Variants in NCKAP5L observed in about 807,000 individuals in gnomAD.
NCKAP5L encodes the protein NCK associated protein 5 like, also known as nck-associated protein 5-like.
NCKAP5L carries 54 observed loss-of-function variants against 103.2 expected under a neutral mutation model. The observed-to-expected ratio is 0.52, with a 90% CI of 0.42 to 0.66. The LOEUF is 0.66. Ranked by LOEUF, NCKAP5L falls within the 30% of genes least tolerant of loss-of-function variation. The probability of loss-of-function intolerance (pLI) is 0.00; values close to 1 mark genes in which losing one functional copy is unlikely to be tolerated. For missense variants in NCKAP5L, 1,733 were observed against 1,750.6 expected (o/e 0.99, Z 0.18); for synonymous variants, 762 against 748.6 (o/e 1.02, Z -0.29).
Position 49,795,925 on chromosome 12 carries a change from G to A in NCKAP5L, c.1935C>T (p.Pro645=). 1.3e-6 allele frequency: 2 copies of A among 1,527,510 alleles called. No homozygotes were observed. The highest frequency in any genetic ancestry group is 1.8e-4 in the Middle Eastern group (1 of 5,650). The allele number at this position is 1,527,510 out of a possible 1,614,324, so 94.6% of individuals were successfully genotyped here. Residue 645 remains proline (P), a synonymous_variant, in exon 8 of 13, where the codon CCC becomes CCT. Transcript: ENST00000335999. ...CAGGTCGCCGTCCTGACCCCTGGCT[G>A]GGCTTCTTGGATGAGTTGCCTGGGG... ...RRTPGNSSKK[P]SQGSGRRPGD... is the part of the protein sequence containing the mutation.
intron 6 of NCKAP5L, among the ~76,000 whole-genome samples, chr12:49,800,512 G>C (rs1946106910): frequency 6.6e-6 from 1 of 152,214 alleles, no homozygotes; most frequent in Admixed American, 6.5e-5. Context: ...CACAAGCTGG[G>C]AATCACATCA....
At chr12:49,815,608 G>A (rs1475163449) in intron 1 of NCKAP5L, among the ~76,000 whole-genome samples, 2 of 152,140 alleles carry the variant, frequency 1.3e-5, no homozygotes, top group Non-Finnish European at 2.9e-5. Context: ...TCATGCCTCA[G>A]CCTCCTGAGT....
At chr12:49,826,194 C>A (rs1210524098) in intron 1 of NCKAP5L, among the ~76,000 whole-genome samples, 1 of 152,126 alleles carries the variant, frequency 6.6e-6, no homozygotes, top group Non-Finnish European at 1.5e-5. Context: ...CCTTGCCCTC[C>A]TCCTATAAGA....
intron 1 of NCKAP5L, among the ~76,000 whole-genome samples, chr12:49,828,079 G>A (rs1474932162): frequency 2.6e-5 from 4 of 152,042 alleles, no homozygotes; most frequent in Non-Finnish European, 5.9e-5. Flanking sequence ...AGGATGGCGC[G>A]GGGGGCGGGA....
intron 6 of NCKAP5L, among the ~76,000 whole-genome samples, chr12:49,799,020 C>T (rs1391862629): frequency 6.6e-6 from 1 of 152,150 alleles, no homozygotes; most frequent in Non-Finnish European, 1.5e-5. Flanking sequence ...TAATTTCCTT[C>T]TCCTGGGCAT....
chr12:49,796,285 G>A lies in NCKAP5L; in HGVS notation c.1575C>T (p.Pro525=), dbSNP rs770773881. ...GTGTGGAGTCTGGGGTTGTGTAGCA[G>A]GGTGAAGGGCTGGTGGGCAGGCCTT... ...GAQGLPTSPS[P]CYTTPDSTQL... Residue 525 remains proline (P), a synonymous_variant, in exon 8 of 13, where the codon CCC becomes CCT. Transcript: ENST00000335999. The A allele has an allele frequency of 1.9e-6, 3 of 1,550,094 alleles. No homozygotes were observed. The highest frequency in any genetic ancestry group is 8.7e-7 in the Non-Finnish European group (1 of 1,147,306).
At chr12:49,820,382 T>A (rs1428724029) in intron 1 of NCKAP5L, among the ~76,000 whole-genome samples, 2 of 148,504 alleles carry the variant, frequency 1.3e-5, no homozygotes, top group African/African-American at 5.0e-5. Context: ...AGTGGCGCGA[T>A]CTCGGCTCAC....
Position 49,796,836 on chromosome 12 carries a change from A to G in NCKAP5L, c.1024T>C (p.Phe342Leu). 3 of 1,613,178 alleles carry G rather than the reference A, an allele frequency of 1.9e-6. No homozygotes were observed. Among genetic ancestry groups the G allele is most frequent in the African/African-American group, 1.3e-5 (1 of 75,048 alleles). Residue 342 changes from phenylalanine to leucine, a missense_variant, in exon 8 of 13, where the codon TTC (phenylalanine) becomes CTC (leucine). By Grantham distance (22) the Phe-to-Leu change is conservative (BLOSUM62 0). Transcript: ENST00000335999. ...AGTGGGCCTGCAGCCCCGGCCAGGAAGGCCTGTAGGTAAGACTCTGTGTCC... is the reference window on the plus strand; with the variant it reads ...AGTGGGCCTGCAGCCCCGGCCAGGAGGGCCTGTAGGTAAGACTCTGTGTCC... ...LEDTESYLQAFLAGAAGPLNG... is the reference protein window; with the variant it reads ...LEDTESYLQALLAGAAGPLNG...
At position 49,798,426 on chromosome 12, in the gene NCKAP5L, G is replaced by C; in HGVS notation, c.389C>G (p.Pro130Arg). Residue 130 changes from proline to arginine, a missense_variant, in exon 7 of 13, where the codon CCA (proline) becomes CGA (arginine). Pro to Arg is a moderately radical substitution (Grantham distance 103). Transcript: ENST00000335999. ...AGTGGAGCTCAGGGAGGGGGAGGCT[G>C]GTGGCTCTGATGGTGGCTGGAGTGG... is the stretch of plus-strand genomic sequence containing the variant. The part of the protein sequence containing the change: ...LTPLQPPSEP[P>R]ASPSLSSTEG... 1 of 1,581,786 alleles carries C rather than the reference G, an allele frequency of 6.3e-7. No individual in the cohort carries two copies. Among genetic ancestry groups the C allele is most frequent in the Non-Finnish European group, 8.6e-7 (1 of 1,163,696 alleles).
chr12:49,792,718 G>T lies in NCKAP5L; in HGVS notation c.3609C>A (p.Pro1203=). ...CATGGCCCCGGTGGCCCGGAGCAGC[G>T]GGTAGCAGTGCAGGGAAGGCTGGCA... ...PSMPAFPALL[P]AAPGHRGHET... Residue 1203 remains proline (P), a synonymous_variant, in exon 11 of 13, where the codon CCC becomes CCA. Coordinates refer to ENST00000335999, the MANE Select transcript of NCKAP5L (RefSeq NM_001037806.4). This position sits in a 1 kb window ranked among gnomAD's most constrained non-coding sequence, Gnocchi z 4.5. 6.2e-7 allele frequency: 1 copy of T among 1,611,066 alleles called. No homozygotes were observed. Among genetic ancestry groups the T allele is most frequent in the East Asian group, 2.2e-5 (1 of 44,764 alleles).
In NCKAP5L at chr12:49,792,181, A is replaced by T; in HGVS notation, c.3793-130T>A. On this transcript the variant is annotated intron_variant, in intron 12 of 12. Transcript: ENST00000335999. The surrounding 1 kb of genome is among the most constrained non-coding windows in gnomAD (Gnocchi z 4.5). ...CTCCAGAGGGGGCCCAAGGTGGGGT[A>T]TACTTCAGAGGAAACAGGCTGGAGG... 1.9e-6 allele frequency: 2 copies of T among 1,044,346 alleles called. No homozygotes were observed. The highest frequency in any genetic ancestry group is 2.8e-6 in the Non-Finnish European group (2 of 716,366). 64.7% of individuals were successfully genotyped at this position (1,044,346 alleles called of 1,614,324 possible).
rs61735505 is a variant in NCKAP5L at position 49,796,305 on chromosome 12, G to A, written c.1555C>T (p.Leu519=). 3.5e-4 allele frequency: 535 copies of A among 1,544,642 alleles called. 2 individuals are homozygous for A. In the African/African-American group the frequency reaches 6.4e-3, roughly 19 times the overall value. The change falls in exon 8 of 13, where the codon CTG becomes TTG. Residue 519 remains leucine, a synonymous_variant. Transcript: ENST00000335999. ...GELSPEGAQG[L]PTSPSPCYTT... ...TAGCAGGGTGAAGGGCTGGTGGGCA[G>A]GCCTTGCGCCCCCTCTGGGGACAGC...
chr12:49,799,412 C>T (rs1322272305), intron 6 of NCKAP5L, among the ~76,000 whole-genome samples: 2 of 151,680 alleles, frequency 1.3e-5, no homozygotes, highest in African/African-American at 4.8e-5. Flanking sequence ...TGGGCTCAAG[C>T]AATCCTCCTG....
At chr12:49,808,220 GA>G (rs1287061569) in intron 1 of NCKAP5L, among the ~76,000 whole-genome samples, 12 of 152,344 alleles carry the variant, frequency 7.9e-5, no homozygotes, top group Non-Finnish European at 1.8e-4. Context: ...GTTCCACTGA[GA>G]ATGGGGGAGA....
chr12:49,792,116 C>A lies in NCKAP5L; in HGVS notation c.3793-65G>T. On this transcript the variant is annotated intron_variant, in intron 12 of 12. Coordinates refer to ENST00000335999, the MANE Select transcript of NCKAP5L (RefSeq NM_001037806.4). This position sits in a 1 kb window ranked among gnomAD's most constrained non-coding sequence, Gnocchi z 4.5. ...ACCTTTCGGCCCAGCCTCAGAGGCA[C>A]TGAGCTCTGAGGGGCGTCTGTGCAC... 7.3e-7 allele frequency: 1 copy of A among 1,369,656 alleles called. No homozygotes were observed. Among genetic ancestry groups the A allele is most frequent in the African/African-American group, 1.4e-5 (1 of 69,368 alleles). 84.8% of individuals were successfully genotyped at this position (1,369,656 alleles called of 1,614,324 possible).
chr12:49,806,523 G>A (rs1946182472), intron 1 of NCKAP5L, among the ~76,000 whole-genome samples: 1 of 152,258 alleles, frequency 6.6e-6, no homozygotes, highest in South Asian at 2.1e-4. Context: ...GTGATGAATA[G>A]CACAGGCGCT....
Position 49,795,657 on chromosome 12 carries a change from T to G in NCKAP5L, c.2203A>C (p.Ser735Arg), listed in dbSNP as rs1946024697. Residue 735 changes from serine (S) to arginine (R), a missense_variant, in exon 8 of 13, where the codon AGC (serine) becomes CGC (arginine). Ser to Arg is a moderately radical substitution (Grantham distance 110). Transcript: ENST00000335999. ...IRGAVALGTN[S>R]LKQQEPGLMG... is the part of the protein sequence containing the mutation. Reference sequence around the variant, plus strand: ...AGTCCAGGTTCCTGCTGCTTCAGGCTGTTTGTGCCCAAGGCCACTGCCCCC... The same window carrying G: ...AGTCCAGGTTCCTGCTGCTTCAGGCGGTTTGTGCCCAAGGCCACTGCCCCC... 1 of 1,612,226 alleles carries G rather than the reference T, an allele frequency of 6.2e-7. No homozygotes were observed. Among genetic ancestry groups the G allele is most frequent in the African/African-American group, 1.3e-5 (1 of 74,834 alleles).
At chr12:49,812,196 C>T (rs1946247489) in intron 1 of NCKAP5L, among the ~76,000 whole-genome samples, 1 of 152,126 alleles carries the variant, frequency 6.6e-6, no homozygotes, top group African/African-American at 2.4e-5. Flanking sequence ...TGCCCCCTCC[C>T]CACCCAGTCA....
At position 49,791,297 on chromosome 12, in the gene NCKAP5L, C is replaced by A. The variant is rs1945930567; in HGVS notation, c.*542G>T. On this transcript the variant is annotated 3_prime_UTR_variant, in exon 13 of 13. Coordinates refer to ENST00000335999, the MANE Select transcript of NCKAP5L (RefSeq NM_001037806.4). ...GCGCTTCAATATATAAAAACAACAA[C>A]AAAAAAGACGGACGAACAGACCCCA... 6.5e-6 allele frequency: 1 copy of A among 153,390 alleles called. No individual in the cohort carries two copies. The highest frequency in any genetic ancestry group is 2.4e-5 in the African/African-American group (1 of 41,572). The allele number at this position is 153,390 out of a possible 1,614,324, so 9.5% of individuals were successfully genotyped here.
Sources: gnomAD v4.1 joint callset for allele counts (sites outside exome capture counted in the v4.1 genomes callset) on GRCh38, gnomAD v4.1.1 for gene constraint, Gnocchi (gnomAD v3.1) non-coding constraint, MANE v1.5 for transcripts, NCBI Gene and HGNC (gene_info 2026-07-23, HGNC 2026-07-21) for gene names.